ZNF512: variants seen among roughly 807,000 people sequenced by gnomAD.
The protein encoded by ZNF512 is zinc finger protein 512.
A neutral mutation model predicts 77.5 loss-of-function variants in ZNF512; 25 were observed. The ratio of observed to expected loss-of-function variants is 0.32; its 90% CI spans 0.23 to 0.45. ZNF512 has a LOEUF of 0.45. ZNF512 is among the 20% of genes least tolerant of loss of function. ZNF512 has a pLI of 1.00. For synonymous variants in ZNF512, 246 were observed against 239.9 expected, an observed-to-expected ratio of 1.03 and a Z score of -0.24; for missense variants, 483 against 692.6, an observed-to-expected ratio of 0.70 and a Z score of 3.40.
chr2:27,601,032 T>C (rs757175334), intron 6 of ZNF512, among the ~76,000 whole-genome samples: 3 of 152,206 alleles, frequency 2.0e-5, no homozygotes, highest in Non-Finnish European at 4.4e-5. Flanking sequence ...CAGTTTCATT[T>C]GTAAAATAGA....
In ZNF512 at chr2:27,583,494, C is replaced by T. The variant is rs1022805844; in HGVS notation, c.31-164C>T. On this transcript the variant is annotated intron_variant, in intron 1 of 13. Coordinates refer to ENST00000355467, the MANE Select transcript of ZNF512 (RefSeq NM_032434.4). Reference sequence around the variant, plus strand: ...GGTATTGTTACCCGCCTTTGCACTGCTGGAAGATAGGACAGCATATTTTTC... The same window carrying T: ...GGTATTGTTACCCGCCTTTGCACTGTTGGAAGATAGGACAGCATATTTTTC... The T allele has an allele frequency of 4.7e-6, 7 of 1,486,838 alleles. No homozygotes were observed. The African/African-American group carries it at 1.0e-4, about 21-fold the overall frequency. 92.1% of individuals were successfully genotyped at this position (1,486,838 alleles called of 1,614,324 possible).
chr2:27,607,889 G>A lies in ZNF512; in HGVS notation c.981G>A (p.Glu327=). The change falls in exon 10 of 14, where the codon GAG becomes GAA. Residue 327 remains glutamate (E), a synonymous_variant. Coordinates refer to ENST00000355467, the MANE Select transcript of ZNF512 (RefSeq NM_032434.4). ...PESGQPECLK[E]MNLESKSGGR... ...CAGGACAGCCAGAGTGCTTAAAGGA[G>A]ATGAACCTAGAGTCAAAGAGTGGGG... The A allele has an allele frequency of 1.2e-6, 2 of 1,614,178 alleles. No individual in the cohort carries two copies. Among genetic ancestry groups the A allele is most frequent in the Non-Finnish European group, 1.7e-6 (2 of 1,180,030 alleles).
At chr2:27,585,312 A>G (rs1671277772) in intron 2 of ZNF512, among the ~76,000 whole-genome samples, 1 of 152,226 alleles carries the variant, frequency 6.6e-6, no homozygotes, top group Non-Finnish European at 1.5e-5. Flanking sequence ...ATAATTGGAA[A>G]CATGATGTTT....
At position 27,621,631 on chromosome 2, in the gene ZNF512, TC is replaced by T. The variant is rs878991018; in HGVS notation, c.*176del. ...CTGTCTTCCCTTCTTACATTTTGAT[TC>T]CCCCCTCCCCTTTTAGTAGGTTTTC... On this transcript the variant is annotated 3_prime_UTR_variant, in exon 14 of 14. Transcript: ENST00000355467. The T allele has an allele frequency of 1.9e-5, 13 of 677,610 alleles. No homozygotes were observed. Among genetic ancestry groups the T allele is most frequent in the Admixed American group, 1.3e-4 (4 of 31,016 alleles). The allele number at this position is 677,610 out of a possible 1,614,324, so 42.0% of individuals were successfully genotyped here. A position where few individuals can be genotyped will look rare whatever the true frequency, so the allele number is the denominator to read the frequency against.
At position 27,622,607 on chromosome 2, in the gene ZNF512, G is replaced by A. The variant is rs896194134; in HGVS notation, c.*1146G>A. On this transcript the variant is annotated 3_prime_UTR_variant, in exon 14 of 14. Transcript: ENST00000355467. ...ATGCCTATCTGGTAATGTTTAATGG[G>A]TTATTTCTCTTTGAGGGTGGCTTTC... 7 of 152,762 alleles carry A rather than the reference G, an allele frequency of 4.6e-5. No homozygotes were observed. Among genetic ancestry groups the A allele is most frequent in the African/African-American group, 1.7e-4 (7 of 41,456 alleles). The allele number at this position is 152,762 out of a possible 1,614,324, so 9.5% of individuals were successfully genotyped here. A position where few individuals can be genotyped will look rare whatever the true frequency, so the allele number is the denominator to read the frequency against.
intron 9 of ZNF512, among the ~76,000 whole-genome samples, chr2:27,603,740 C>T (rs947408177): frequency 1.3e-5 from 2 of 151,140 alleles, no homozygotes; most frequent in African/African-American, 2.4e-5. Flanking sequence ...TACAGGCTTG[C>T]GTCACATGCC....
At chr2:27,602,345 G>T in intron 7 of ZNF512, 118 bp from the exon 8 acceptor site, 1 of 905,856 alleles carries the variant, frequency 1.1e-6, no homozygotes, top group Non-Finnish European at 1.6e-6. Flanking sequence ...GAAAACTTGG[G>T]CTTCATTGGC....
chr2:27,603,590 A>ATATATTT lies in ZNF512; in HGVS notation c.936+284_936+285insATATTTT, dbSNP rs1553352045. Among the ~76,000 whole-genome samples the ATATATTT allele has an allele frequency of 1.4e-3, 116 of 85,652 alleles. 1 individual carries two copies. The highest frequency in any genetic ancestry group is 5.2e-3 in the African/African-American group (109 of 20,894). The allele number at this position is 85,652 out of a possible 152,430, so 56.2% of individuals were successfully genotyped here. A position where few individuals can be genotyped will look rare whatever the true frequency, so the allele number is the denominator to read the frequency against. ...TTTTATATAGTGTGTGTGTGTGTAT[A>ATATATTT]TTTTTTTTTTTTTTTTTCTTCAAGA... On this transcript the variant is annotated intron_variant, in intron 9 of 13. Transcript: ENST00000355467.
chr2:27,598,663 A>G (rs1671981032), intron 3 of ZNF512, among the ~76,000 whole-genome samples: 1 of 151,772 alleles, frequency 6.6e-6, no homozygotes, highest in Non-Finnish European at 1.5e-5. Context: ...AATGCCACAT[A>G]TTTGTTTCTC....
At chr2:27,610,690 C>T (rs1312196296) in intron 10 of ZNF512, among the ~76,000 whole-genome samples, 2 of 142,798 alleles carry the variant, frequency 1.4e-5, no homozygotes, top group South Asian at 2.4e-4. Flanking sequence ...AAGTGATTCT[C>T]ATGCCTCAGC....
chr2:27,599,274 A>G (rs188791575), intron 3 of ZNF512, among the ~76,000 whole-genome samples: 1 of 152,304 alleles, frequency 6.6e-6, no homozygotes, highest in East Asian at 1.9e-4. Flanking sequence ...CTCTATCTTG[A>G]GCAATTCTTA....
At chr2:27,610,299 G>A (rs1672556458) in intron 10 of ZNF512, among the ~76,000 whole-genome samples, 2 of 149,108 alleles carry the variant, frequency 1.3e-5, no homozygotes, top group African/African-American at 4.9e-5. Context: ...GGGGGGCAGA[G>A]GTTGCAGTGA....
chr2:27,604,182 C>T (rs1466783245), intron 9 of ZNF512, among the ~76,000 whole-genome samples: 1 of 152,202 alleles, frequency 6.6e-6, no homozygotes, highest in Non-Finnish European at 1.5e-5. Flanking sequence ...CCACCTCGGC[C>T]TCCCAAAGTG....
intron 12 of ZNF512, 137 bp downstream of exon 12, chr2:27,616,461 T>G: frequency 1.5e-6 from 1 of 683,004 alleles, no homozygotes; most frequent in Non-Finnish European, 2.5e-6. Flanking sequence ...TTTATGTCTC[T>G]AAGATTCTTG....
intron 1 of ZNF512, 130 bp downstream of exon 1, chr2:27,583,272 C>A: frequency 7.1e-7 from 1 of 1,409,496 alleles, no homozygotes; most frequent in Non-Finnish European, 1.0e-6. Flanking sequence ...CCTTCTAGAT[C>A]AGATCACCTG....
In ZNF512 at chr2:27,592,667, C is replaced by CTTTTTTTTTTT. The variant is rs139890307; in HGVS notation, c.90-5380_90-5370dup. On this transcript the variant is annotated intron_variant, in intron 2 of 13. Coordinates refer to ENST00000355467, the MANE Select transcript of ZNF512 (RefSeq NM_032434.4). ...TACCCATATAATTTACCATGTTTAC[C>CTTTTTTTTTTT]TTTTTTTTTTTTTTTTTTTTTTTTT... Among the ~76,000 whole-genome samples the CTTTTTTTTTTT allele has an allele frequency of 9.2e-4, 75 of 81,568 alleles. 6 individuals carry two copies. The highest frequency in any genetic ancestry group is 1.5e-3 in the Non-Finnish European group (63 of 42,734). 53.5% of individuals were successfully genotyped at this position (81,568 alleles called of 152,430 possible).
chr2:27,590,706 G>T (rs1671531690), intron 2 of ZNF512, among the ~76,000 whole-genome samples: 1 of 151,944 alleles, frequency 6.6e-6, no homozygotes, highest in Non-Finnish European at 1.5e-5. Flanking sequence ...TTGCTCTGTT[G>T]CCCAGGCTGG....
chr2:27,583,591 A>C, intron 1 of ZNF512, 67 bp from the exon 2 acceptor site: 1 of 1,594,202 alleles, frequency 6.3e-7, no homozygotes, highest in Non-Finnish European at 8.5e-7. Flanking sequence ...GGCATAGGGG[A>C]ATTCGTCTTT....
chr2:27,613,418 C>T (rs1465193374), intron 10 of ZNF512, among the ~76,000 whole-genome samples: 1 of 151,798 alleles, frequency 6.6e-6, no homozygotes, highest in African/African-American at 2.4e-5. Context: ...ATAGCTTGAA[C>T]CTGGAAGGCG....
Sources: gnomAD v4.1 joint callset for allele counts (sites outside exome capture counted in the v4.1 genomes callset) on GRCh38, gnomAD v4.1.1 for gene constraint, MANE v1.5 for transcripts, NCBI Gene and HGNC (gene_info 2026-07-23, HGNC 2026-07-21) for gene names.